The following E2F4 variants were observed in gnomAD, a reference collection of about 807,000 sequenced individuals.
E2F4 encodes transcription factor E2F4.
In E2F4, 16 loss-of-function variants were observed where a neutral mutation model predicts 44.5. The ratio of observed to expected loss-of-function variants is 0.36; its 90% CI spans 0.24 to 0.55. The LOEUF (loss-of-function observed/expected upper bound fraction) is 0.55. Among genes scored for constraint, E2F4 ranks in the 20% least tolerant of loss-of-function variants. E2F4 has a pLI of 0.87. For missense variants in E2F4, 473 were observed against 522.1 expected (o/e 0.91, Z 0.92); for synonymous variants, 242 against 207.2 (o/e 1.17, Z -1.44).
intron 5 of E2F4, 80 bp downstream of exon 5, chr16:67,194,539 A>G: frequency 1.9e-6 from 3 of 1,591,134 alleles, no homozygotes; most frequent in African/African-American, 1.3e-5. Context: ...GGGTGGGGCA[A>G]GTAGGGGGAG....
chr16:67,192,894 A>G (rs2032909744), intron 2 of E2F4, 24 bp downstream of exon 2: 1 of 1,590,814 alleles, frequency 6.3e-7, no homozygotes. Context: ...GTGGGAGGGT[A>G]GTAGAGTCTC....
At chr16:67,194,550 G>GTTTGCC (rs1567688025) in intron 5 of E2F4, 91 bp downstream of exon 5, 2 of 1,583,662 alleles carry the variant, frequency 1.3e-6, no homozygotes. Flanking sequence ...GTAGGGGGAG[G>GTTTGCC]CCTGGAGTTT....
At chr16:67,194,623 C>T (rs943459949) in intron 5 of E2F4, 63 bp from the exon 6 acceptor site, 11 of 1,583,382 alleles carry the variant, frequency 6.9e-6, no homozygotes, top group Admixed American at 1.7e-5. Context: ...GACCCGGAGT[C>T]GGGCAGGAGC....
In E2F4 at chr16:67,193,458, C is replaced by T. The variant is rs913017641; in HGVS notation, c.408-14C>T. 4 of 1,614,222 alleles carry T rather than the reference C, an allele frequency of 2.5e-6. No homozygotes were observed. The highest frequency in any genetic ancestry group is 3.4e-6 in the Non-Finnish European group (4 of 1,180,030). On this transcript the variant is annotated splice_polypyrimidine_tract_variant and intron_variant, in intron 3 of 9. Transcript: ENST00000379378. The stretch of plus-strand genomic sequence containing the variant: ...TCACCATAGGGCATCAGCCATTCTC[C>T]TTAACCCTCACACTTTGGCCTACGT...
intron 6 of E2F4, among the ~76,000 whole-genome samples, chr16:67,195,476 C>T (rs1463202381): frequency 1.3e-5 from 2 of 152,170 alleles, no homozygotes; most frequent in Non-Finnish European, 2.9e-5. Context: ...TGGGAAGAGC[C>T]ATTGCTGGTG....
intron 1 of E2F4, 171 bp from the exon 2 acceptor site, chr16:67,192,590 C>T (rs1490791736): frequency 5.3e-6 from 5 of 940,710 alleles, no homozygotes; most frequent in Admixed American, 5.6e-5. Context: ...CCCTTCCTGG[C>T]TGGCGAGGAG....
intron 6 of E2F4, 137 bp from the exon 7 acceptor site, chr16:67,195,645 G>T (rs781605486): frequency 6.0e-6 from 9 of 1,499,986 alleles, no homozygotes; most frequent in Non-Finnish European, 8.0e-6. Flanking sequence ...CTTCCTCTGG[G>T]GGTGACTGGC....
chr16:67,194,624 G>C, intron 5 of E2F4, 62 bp from the exon 6 acceptor site: 1 of 1,585,930 alleles, frequency 6.3e-7, no homozygotes, highest in Non-Finnish European at 8.6e-7. Flanking sequence ...ACCCGGAGTC[G>C]GGCAGGAGCC....
intron 7 of E2F4, 108 bp downstream of exon 7, chr16:67,196,114 G>T: frequency 6.6e-7 from 1 of 1,504,486 alleles, no homozygotes; most frequent in South Asian, 1.2e-5. Context: ...CAACCCTGCT[G>T]GACACGAGAG....
chr16:67,197,765 G>A, intron 8 of E2F4, 102 bp from the exon 9 acceptor site: 3 of 1,603,104 alleles, frequency 1.9e-6, no homozygotes, highest in Non-Finnish European at 2.6e-6. Context: ...CTGGGGCAAA[G>A]GGTGAAGTTC....
At chr16:67,197,699 G>T in intron 8 of E2F4, 53 bp downstream of exon 8, 2 of 1,602,984 alleles carry the variant, frequency 1.2e-6, no homozygotes, top group Non-Finnish European at 1.7e-6. Context: ...CAGCTCATTG[G>T]GTCCTATGGC....
At chr16:67,195,582 C>A (rs1436091635) in intron 6 of E2F4, 200 bp from the exon 7 acceptor site, 1 of 1,153,732 alleles carries the variant, frequency 8.7e-7, no homozygotes, top group Non-Finnish European at 1.2e-6. Context: ...GACCACGAGT[C>A]TTCTTCTGTA....
intron 1 of E2F4, 177 bp downstream of exon 1, chr16:67,192,539 G>C: frequency 9.1e-7 from 1 of 1,097,602 alleles, no homozygotes; most frequent in African/African-American, 1.6e-5. Context: ...TCGAGCTACA[G>C]CTATGGGCCA....
chr16:67,195,272 T>TTA (rs1376745665), intron 6 of E2F4, among the ~76,000 whole-genome samples: 13 of 152,142 alleles, frequency 8.5e-5, no homozygotes, highest in Admixed American at 2.6e-4. Context: ...GTAGCTGGGA[T>TTA]TACAGGCGCC....
In E2F4 at chr16:67,193,593, G is replaced by A; in HGVS notation, c.451+78G>A. ...CTGAGCACTGGGCTCAGTGTCTTAG[G>A]AGAGTTCTGTCTCTTAAGAGGGTTT... On this transcript the variant is annotated intron_variant, in intron 4 of 9. Coordinates refer to ENST00000379378, the MANE Select transcript of E2F4 (RefSeq NM_001950.4). 5 of 1,502,304 alleles carry A rather than the reference G, an allele frequency of 3.3e-6. No homozygotes were observed. The South Asian group carries it at 5.6e-5, about 17-fold the overall frequency. The allele number at this position is 1,502,304 out of a possible 1,614,324, so 93.1% of individuals were successfully genotyped here.
Position 67,192,783 on chromosome 16 carries a change from G to A in E2F4, c.158G>A (p.Arg53His). 2 of 1,611,912 alleles carry A rather than the reference G, an allele frequency of 1.2e-6. No individual in the cohort carries two copies. The highest frequency in any genetic ancestry group is 1.7e-6 in the Non-Finnish European group (2 of 1,178,932). The change falls in exon 2 of 10, where the codon CGC (arginine) becomes CAC (histidine). Residue 53 changes from arginine to histidine, a missense_variant. Around this residue, in one of 3 missense-constraint regions of E2F4, gnomAD observed 119 missense variants for 175.6 expected, o/e 0.68. Transcript: ENST00000379378. ...CAGGCAGCTGACACCCTAGCTGTAC[G>A]CCAGAAGCGGCGGATTTACGACATT... ...LKLAADTLAV[R>H]QKRRIYDITN... is the part of the protein sequence containing the mutation.
intron 7 of E2F4, among the ~76,000 whole-genome samples, chr16:67,196,470 T>C (rs1010858236): frequency 2.6e-5 from 4 of 152,212 alleles, no homozygotes; most frequent in African/African-American, 7.2e-5. Context: ...TCTTGGTCTG[T>C]GTCAATATTC....
intron 1 of E2F4, 158 bp downstream of exon 1, chr16:67,192,520 C>A: frequency 8.6e-7 from 1 of 1,163,134 alleles, no homozygotes; most frequent in Non-Finnish European, 1.2e-6. Flanking sequence ...ATTCATTCGG[C>A]CGAGGCCATC....
In E2F4 at chr16:67,198,246, C is replaced by T. The variant is rs2142215035; in HGVS notation, c.*123C>T. On this transcript the variant is annotated 3_prime_UTR_variant, in exon 10 of 10. Coordinates refer to ENST00000379378, the MANE Select transcript of E2F4 (RefSeq NM_001950.4). ...CACAGACGCCTGGCTTCTCCGGCCT[C>T]CCCTCACCGCACAGTTCTGGCCACA... The T allele has an allele frequency of 1.2e-6, 1 of 805,848 alleles. No homozygotes were observed. The highest frequency in any genetic ancestry group is 2.5e-5 in the East Asian group (1 of 40,546). 49.9% of individuals were successfully genotyped at this position (805,848 alleles called of 1,614,324 possible). A position where few individuals can be genotyped will look rare whatever the true frequency, so the allele number is the denominator to read the frequency against.
Sources: allele counts gnomAD v4.1 joint callset (sites outside exome capture counted in the v4.1 genomes callset), GRCh38; gene constraint gnomAD v4.1.1; regional missense constraint gnomAD v4.1.1; transcripts MANE v1.5; gene names NCBI Gene and HGNC (gene_info 2026-07-23, HGNC 2026-07-21).